ME3: variants seen among roughly 807,000 people sequenced by gnomAD.
The protein encoded by ME3 is NADP-dependent malic enzyme, mitochondrial.
A neutral mutation model predicts 68.9 loss-of-function variants in ME3; 48 were observed. The observed-to-expected ratio is 0.70, with a 90% CI of 0.55 to 0.89. The LOEUF (loss-of-function observed/expected upper bound fraction) is 0.89, where lower values mean the gene tolerates loss of function less well. ME3 is among the 40% of genes least tolerant of loss of function. The probability of loss-of-function intolerance (pLI) is 0.00; values close to 1 mark genes in which losing one functional copy is unlikely to be tolerated. For synonymous variants in ME3, 320 were observed against 318.8 expected (o/e 1.00, Z -0.04); for missense variants, 675 against 797.4 (o/e 0.85, Z 1.85).
At chr11:86,546,736 A>C (rs527385360) in intron 4 of ME3, among the ~76,000 whole-genome samples, 69 of 152,332 alleles carry the variant, frequency 4.5e-4, no homozygotes, top group African/African-American at 1.5e-3. Flanking sequence ...AATTTGTTCA[A>C]CCATTGTGGA....
rs1430220518 is a variant in ME3, at chr11:86,451,027, A to G, written c.920-629T>C. ...AAGAGCAGCTGACCAAGGAGAAAAAACTTGGGCTTGGTTTACAAGTTGTTG... is the reference window on the plus strand; with the variant it reads ...AAGAGCAGCTGACCAAGGAGAAAAAGCTTGGGCTTGGTTTACAAGTTGTTG... On this transcript the variant is annotated intron_variant, in intron 8 of 14. Coordinates refer to ENST00000543262, the Ensembl canonical transcript of ME3. 2.0e-5 allele frequency among the ~76,000 whole-genome samples: 3 copies of G among 152,280 alleles called. No homozygotes were observed. In the East Asian group the frequency reaches 5.8e-4, roughly 29 times the overall value.
intron 8 of ME3, chr11:86,462,586 A>T (rs1386481471): frequency 7.8e-7 from 1 of 1,286,452 alleles, no homozygotes; most frequent in Non-Finnish European, 1.0e-6. Flanking sequence ...GGGTGTGCTT[A>T]TGAGGATGTC....
chr11:86,647,462 G>C (rs988103405), intron 2 of ME3, among the ~76,000 whole-genome samples: 2 of 150,778 alleles, frequency 1.3e-5, no homozygotes, highest in South Asian at 2.1e-4. Context: ...TCCAGCCTGG[G>C]AGACACAGCG....
At chr11:86,464,294 T>C (rs1387202627) in intron 8 of ME3, among the ~76,000 whole-genome samples, 1 of 152,254 alleles carries the variant, frequency 6.6e-6, no homozygotes, top group African/African-American at 2.4e-5. Context: ...TACAAAATGC[T>C]AGGAACAGCT....
At chr11:86,669,780 G>C (rs1946806844) in intron 2 of ME3, among the ~76,000 whole-genome samples, 1 of 152,116 alleles carries the variant, frequency 6.6e-6, no homozygotes. Flanking sequence ...AACGACAGGG[G>C]CAAGAATGAT....
chr11:86,461,450 T>C (rs1332680313), intron 8 of ME3, among the ~76,000 whole-genome samples: 4 of 152,146 alleles, frequency 2.6e-5, no homozygotes, highest in African/African-American at 4.8e-5. Flanking sequence ...TGAGTTATAT[T>C]GGAGTGTTCA....
At chr11:86,513,681 A>G (rs1487765861) in intron 4 of ME3, among the ~76,000 whole-genome samples, 1 of 152,170 alleles carries the variant, frequency 6.6e-6, no homozygotes, top group Admixed American at 6.5e-5. Flanking sequence ...TGAGGAAGTA[A>G]AATGTGCGGG....
At chr11:86,591,803 T>C (rs2139669262) in intron 2 of ME3, among the ~76,000 whole-genome samples, 1 of 152,172 alleles carries the variant, frequency 6.6e-6, no homozygotes, top group Non-Finnish European at 1.5e-5. Flanking sequence ...TGAGACTTAT[T>C]TGCTTTCATG....
At chr11:86,487,277 A>G (rs1385064534) in intron 7 of ME3, 60 bp downstream of exon 7, 3 of 1,397,580 alleles carry the variant, frequency 2.1e-6, no homozygotes, top group African/African-American at 2.8e-5. Flanking sequence ...ACCAGTGTTG[A>G]CTTTAGTCAC....
intron 2 of ME3, among the ~76,000 whole-genome samples, chr11:86,664,600 T>A (rs1411954498): frequency 6.6e-6 from 1 of 152,120 alleles, no homozygotes; most frequent in Non-Finnish European, 1.5e-5. Context: ...CTCTGAGTGG[T>A]TTCCTTTGAC....
At chr11:86,465,246 A>AATCAT in intron 7 of ME3, 46 bp from the exon 8 acceptor site, 2 of 1,428,310 alleles carry the variant, frequency 1.4e-6, no homozygotes, top group Non-Finnish European at 2.0e-6. Context: ...TCTCTGAGGC[A>AATCAT]GATCCCTGAC....
At chr11:86,580,488 A>G (rs934519650) in intron 2 of ME3, among the ~76,000 whole-genome samples, 1 of 152,212 alleles carries the variant, frequency 6.6e-6, no homozygotes, top group Admixed American at 6.5e-5. Flanking sequence ...ATTGAATAGT[A>G]TGGAAATTTT....
At chr11:86,547,306 A>C (rs944368646) in intron 4 of ME3, among the ~76,000 whole-genome samples, 3 of 152,154 alleles carry the variant, frequency 2.0e-5, no homozygotes, top group Non-Finnish European at 4.4e-5. Flanking sequence ...CAGCCATAAA[A>C]AGGTTAAGTT....
Position 86,600,244 on chromosome 11 carries a change from A to G in ME3, c.184-40421T>C, listed in dbSNP as rs540158499. Among the ~76,000 whole-genome samples the G allele has an allele frequency of 1.3e-3, 196 of 152,282 alleles. 7 individuals carry two copies. The South Asian group carries it at 0.039, about 31-fold the overall frequency. On this transcript the variant is annotated intron_variant, in intron 2 of 14. Coordinates refer to ENST00000543262, the Ensembl canonical transcript of ME3. The stretch of plus-strand genomic sequence containing the variant: ...AGAGACACACATAGGCTCAAAATAA[A>G]AGGATGGAGGAAGATCTATCAAGCA...
rs189981284 is a variant in ME3, at chr11:86,508,774, A to C, written c.543+18T>G. The C allele has an allele frequency of 6.3e-7, 1 of 1,594,286 alleles. No individual in the cohort carries two copies. The highest frequency in any genetic ancestry group is 1.7e-5 in the Admixed American group (1 of 59,986). ...TTCACCCAACAATGATTAAATAGCA[A>C]TGAAAACGGGATCATACCTTAATAT... On this transcript the variant is annotated intron_variant, in intron 5 of 14. Coordinates refer to ENST00000543262, the Ensembl canonical transcript of ME3.
intron 2 of ME3, among the ~76,000 whole-genome samples, chr11:86,571,413 C>A (rs376630454): frequency 3.0e-4 from 45 of 152,206 alleles, no homozygotes; most frequent in African/African-American, 1.0e-3. Flanking sequence ...GGCAGCCTGC[C>A]CTCACTAGAA....
In ME3 at chr11:86,508,131, A is replaced by AC. The variant is rs1403070387; in HGVS notation, c.543+660dup. Among the ~76,000 whole-genome samples, 3 of 151,750 alleles carry AC rather than the reference A, an allele frequency of 2.0e-5. No homozygotes were observed. The East Asian group carries it at 5.8e-4, about 29-fold the overall frequency. On this transcript the variant is annotated intron_variant, in intron 5 of 14. Transcript: ENST00000543262. The stretch of plus-strand genomic sequence containing the variant: ...TTCTACATTTATGCCCCTCATCCCC[A>AC]CCCCCACACTGCTGTGTACTCCCAG...
intron 5 of ME3, among the ~76,000 whole-genome samples, chr11:86,506,790 A>G (rs369808437): frequency 5.3e-5 from 8 of 152,180 alleles, no homozygotes; most frequent in African/African-American, 1.7e-4. Flanking sequence ...AGTGAAAGAG[A>G]TAACTTTACA....
chr11:86,457,711 A>C, intron 8 of ME3: 1 of 1,288,336 alleles, frequency 7.8e-7, no homozygotes, highest in Non-Finnish European at 1.0e-6. Flanking sequence ...CTGGAACATG[A>C]CTTGTGCCCA....
Sources: allele counts gnomAD v4.1 joint callset (sites outside exome capture counted in the v4.1 genomes callset), GRCh38; gene constraint gnomAD v4.1.1; transcripts MANE v1.5; gene names NCBI Gene and HGNC (gene_info 2026-07-23, HGNC 2026-07-21).